ZZEF1: variants seen among roughly 807,000 people sequenced by gnomAD.
The protein encoded by ZZEF1 is zinc finger ZZ-type and EF-hand domain containing 1.
In ZZEF1, 157 loss-of-function variants were observed where a neutral mutation model predicts 342.8. That is an observed-to-expected ratio of 0.46 (90% CI 0.40 to 0.52). ZZEF1 has a LOEUF of 0.52. Ranked by LOEUF, ZZEF1 falls within the 20% of genes least tolerant of loss-of-function variation. The probability of loss-of-function intolerance (pLI) is 0.00; values close to 1 mark genes in which losing one functional copy is unlikely to be tolerated. For synonymous variants in ZZEF1, 1,505 were observed against 1,429.1 expected, an observed-to-expected ratio of 1.05 and a Z score of -1.20; for missense variants, 3,480 against 3,725.6, an observed-to-expected ratio of 0.93 and a Z score of 1.72.
rs150524575 is a variant in ZZEF1 at position 4,141,545 on chromosome 17, G to A, written c.354+997C>T. ...ACATTAAAAACAAAAAATAGGGTGC[G>A]GGTGGAGGGAGAGAGAGCATCAGGA... is the stretch of plus-strand genomic sequence containing the variant. On this transcript the variant is annotated intron_variant, in intron 1 of 54. Transcript: ENST00000381638. Among the ~76,000 whole-genome samples the A allele has an allele frequency of 5.3e-5, 8 of 152,260 alleles. No homozygotes were observed. In the East Asian group the frequency reaches 1.3e-3, roughly 26 times the overall value.
At chr17:4,110,708 G>GC (rs1182591575) in intron 5 of ZZEF1, among the ~76,000 whole-genome samples, 50 of 145,208 alleles carry the variant, frequency 3.4e-4, no homozygotes, top group Admixed American at 8.4e-4. Context: ...TAAAATTACG[G>GC]CTTTTTTTTT....
At chr17:4,030,272 G>A (rs557525756) in intron 42 of ZZEF1, among the ~76,000 whole-genome samples, 39 of 152,184 alleles carry the variant, frequency 2.6e-4, no homozygotes, top group Non-Finnish European at 4.3e-4. Flanking sequence ...GAAAATAAGA[G>A]AAGACGGCTC....
chr17:4,124,181 T>A, intron 1 of ZZEF1, 130 bp from the exon 2 acceptor site: 1 of 1,155,970 alleles, frequency 8.7e-7, no homozygotes, highest in Non-Finnish European at 1.2e-6. Flanking sequence ...AGAGTCCATA[T>A]GTATCAACCA....
intron 1 of ZZEF1, among the ~76,000 whole-genome samples, chr17:4,129,715 T>C (rs763809839): frequency 1.3e-5 from 2 of 152,104 alleles, no homozygotes; most frequent in Admixed American, 6.5e-5. Flanking sequence ...TAGGCACCTA[T>C]AGTCCCAGCT....
At chr17:4,090,689 G>C in intron 12 of ZZEF1, 30 bp downstream of exon 12, 1 of 1,542,284 alleles carries the variant, frequency 6.5e-7, no homozygotes, top group Non-Finnish European at 9.0e-7. Flanking sequence ...TAAAAGGAGG[G>C]GAGTGGGCAA....
At chr17:4,122,115 T>G (rs2058493045) in intron 2 of ZZEF1, among the ~76,000 whole-genome samples, 2 of 152,152 alleles carry the variant, frequency 1.3e-5, no homozygotes, top group Admixed American at 1.3e-4. Context: ...GCAATCAGAT[T>G]TACATTTATG....
rs774692341 is a variant in ZZEF1, at chr17:4,065,539, G to C, written c.4250-710C>G. ...ACTATCAGCACACTTTTTAGAAAAAGTTTTATTGTAGATGTTTTCAAACAT... is the reference window on the plus strand; with the variant it reads ...ACTATCAGCACACTTTTTAGAAAAACTTTTATTGTAGATGTTTTCAAACAT... On this transcript the variant is annotated intron_variant, in intron 28 of 54. Coordinates refer to ENST00000381638, the MANE Select transcript of ZZEF1 (RefSeq NM_015113.4). Among the ~76,000 whole-genome samples, 3 of 152,006 alleles carry C rather than the reference G, an allele frequency of 2.0e-5. No individual in the cohort carries two copies. The East Asian group carries it at 5.8e-4, about 29-fold the overall frequency.
At chr17:4,087,752 T>C in intron 13 of ZZEF1, among the ~76,000 whole-genome samples, 1 of 151,516 alleles carries the variant, frequency 6.6e-6, no homozygotes. Context: ...TATGTATGTA[T>C]GTATGTAAGT....
At chr17:4,021,005 G>A in intron 45 of ZZEF1, 124 bp downstream of exon 45, 3 of 1,013,530 alleles carry the variant, frequency 3.0e-6, no homozygotes, top group Non-Finnish European at 4.4e-6. Flanking sequence ...TGAGTCTTTA[G>A]GAAGTGAATT....
intron 11 of ZZEF1, 134 bp downstream of exon 11, chr17:4,095,697 G>T: frequency 1.1e-6 from 1 of 899,052 alleles, no homozygotes. Flanking sequence ...TATGGCCACT[G>T]AGATGGATTA....
At position 4,085,706 on chromosome 17, in the gene ZZEF1, A is replaced by T. The variant is rs144451107; in HGVS notation, c.2610T>A (p.Asn870Lys). The change falls in exon 16 of 55, where the codon AAT (asparagine) becomes AAA (lysine). Residue 870 changes from asparagine to lysine, a missense_variant. Transcript: ENST00000381638. ...LLNGAAIFFP[N>K]RQTRRNHLFT... ...AGAGATGGTTCCGTCGGGTCTGTCGATTAGGAAAGAAGATGGCAGCCCCAT... is the reference window on the plus strand; with the variant it reads ...AGAGATGGTTCCGTCGGGTCTGTCGTTTAGGAAAGAAGATGGCAGCCCCAT... 4.2e-5 allele frequency: 67 copies of T among 1,614,024 alleles called. No homozygotes were observed. Among genetic ancestry groups the T allele is most frequent in the Admixed American group, 4.0e-4 (24 of 60,006 alleles).
rs150095126 is a variant in ZZEF1 at position 4,058,168 on chromosome 17, G to T, written c.5004-13C>A. 3,983 of 1,607,358 alleles carry T rather than the reference G, an allele frequency of 2.5e-3. 8 individuals are homozygous for T. The highest frequency in any genetic ancestry group is 3.1e-3 in the Non-Finnish European group (3,652 of 1,176,612). Reference sequence around the variant, plus strand: ...AGGGAGCAAGGACCTAAAGGGCCATGAAAGTGACCATTAGCAGAGCTGCTT... The same window carrying T: ...AGGGAGCAAGGACCTAAAGGGCCATTAAAGTGACCATTAGCAGAGCTGCTT... On this transcript the variant is annotated splice_polypyrimidine_tract_variant and intron_variant, in intron 31 of 54. Transcript: ENST00000381638.
intron 38 of ZZEF1, among the ~76,000 whole-genome samples, chr17:4,043,852 T>TA (rs1281150671): frequency 6.6e-6 from 1 of 152,202 alleles, no homozygotes; most frequent in Non-Finnish European, 1.5e-5. Context: ...AACACCCACT[T>TA]ACACCTCATT....
At position 4,009,694 on chromosome 17, in the gene ZZEF1, G is replaced by A. The variant is rs748294051; in HGVS notation, c.8643C>T (p.Gly2881=). ...LWQLFTHMEY[G]LFEDVTQPGI... ...CGGGCTGCGTCACGTCCTCAAACAG[G>A]CCGTACTCCATGTGGGTAAAGAGCT... is the stretch of plus-strand genomic sequence containing the variant. Residue 2881 remains glycine, a synonymous_variant, in exon 53 of 55, where the codon GGC becomes GGT. Coordinates refer to ENST00000381638, the MANE Select transcript of ZZEF1 (RefSeq NM_015113.4). 1 of 1,614,088 alleles carries A rather than the reference G, an allele frequency of 6.2e-7. No homozygotes were observed. The highest frequency in any genetic ancestry group is 8.5e-7 in the Non-Finnish European group (1 of 1,180,024).
At chr17:4,130,720 G>A (rs2058650109) in intron 1 of ZZEF1, among the ~76,000 whole-genome samples, 1 of 152,134 alleles carries the variant, frequency 6.6e-6, no homozygotes, top group Admixed American at 6.6e-5. Context: ...AAGATGGAAT[G>A]CAGAAAACGT....
intron 1 of ZZEF1, among the ~76,000 whole-genome samples, chr17:4,130,616 G>C (rs1390369911): frequency 6.6e-6 from 1 of 152,160 alleles, no homozygotes; most frequent in South Asian, 2.1e-4. Context: ...AGCCAGGAAA[G>C]TCAGCGGGCC....
chr17:4,078,109 T>C, intron 18 of ZZEF1, 67 bp from the exon 19 acceptor site: 1 of 1,528,556 alleles, frequency 6.5e-7, no homozygotes. Flanking sequence ...GCCAAGGGCA[T>C]CCTCTAAAGC....
intron 1 of ZZEF1, among the ~76,000 whole-genome samples, chr17:4,126,999 A>T (rs1324952625): frequency 6.6e-6 from 1 of 150,924 alleles, no homozygotes; most frequent in Non-Finnish European, 1.5e-5. Context: ...AAAAAGCAGA[A>T]CTGACTGGAT....
Position 4,047,994 on chromosome 17 carries a change from TA to T in ZZEF1, c.6015+1713del, listed in dbSNP as rs376689230. Among the ~76,000 whole-genome samples, 50 of 151,780 alleles carry T rather than the reference TA, an allele frequency of 3.3e-4. 1 individual carries two copies. In the East Asian group the frequency reaches 4.3e-3, roughly 13 times the overall value. On this transcript the variant is annotated intron_variant, in intron 37 of 54. Transcript: ENST00000381638. ...TATCCATTGAATTAAAAAAAACCCA[TA>T]AAAAAACCCTATTAAGTCCATTCTG...
Sources: gnomAD v4.1 joint callset for allele counts (sites outside exome capture counted in the v4.1 genomes callset) on GRCh38, gnomAD v4.1.1 for gene constraint, MANE v1.5 for transcripts, NCBI Gene and HGNC (gene_info 2026-07-23, HGNC 2026-07-21) for gene names.